The following RB1 variants were observed in gnomAD, a reference collection of about 807,000 sequenced individuals.
The protein encoded by RB1 is retinoblastoma-associated protein.
RB1 carries 18 observed loss-of-function variants against 135.4 expected under a neutral mutation model. The ratio of observed to expected loss-of-function variants is 0.13; its 90% CI spans 0.09 to 0.20. RB1 has a LOEUF of 0.20. RB1 is among the 10% of genes least tolerant of loss of function. RB1 has a pLI of 1.00. For missense variants in RB1, 868 were observed against 1,110.0 expected (o/e 0.78, Z 3.10); for synonymous variants, 365 against 373.2 (o/e 0.98, Z 0.25).
Position 48,476,596 on chromosome 13 carries a change from T to C in RB1, c.2521-105T>C. On this transcript the variant is annotated intron_variant, in intron 24 of 26. Coordinates refer to ENST00000267163, the MANE Select transcript of RB1 (RefSeq NM_000321.3). ...GAAGCAGAAAATTTAAATGAAGTTA[T>C]TACCTTTGCCTGATTTTTGACACAC... The C allele has an allele frequency of 2.0e-5, 24 of 1,192,540 alleles. No individual in the cohort carries two copies. The South Asian group carries it at 2.8e-4, about 14-fold the overall frequency. The allele number at this position is 1,192,540 out of a possible 1,614,324, so 73.9% of individuals were successfully genotyped here. A position where few individuals can be genotyped will look rare whatever the true frequency, so the allele number is the denominator to read the frequency against.
intron 17 of RB1, among the ~76,000 whole-genome samples, chr13:48,449,070 G>A (rs948884467): frequency 6.6e-6 from 1 of 152,090 alleles, no homozygotes; most frequent in Non-Finnish European, 1.5e-5. Flanking sequence ...GCTTAGGCAT[G>A]AGTAACTTCC....
chr13:48,415,652 G>A (rs1593490365), intron 17 of RB1: 2 of 152,146 alleles, frequency 1.3e-5, no homozygotes, highest in South Asian at 4.1e-4. Context: ...GTTGAATTAG[G>A]CTTTTCATTA....
intron 17 of RB1, among the ~76,000 whole-genome samples, chr13:48,440,004 A>T (rs952621582): frequency 3.9e-5 from 6 of 152,192 alleles, no homozygotes; most frequent in Non-Finnish European, 8.8e-5. Context: ...TTTTATATGT[A>T]TATGAGAGAA....
intron 17 of RB1, among the ~76,000 whole-genome samples, chr13:48,405,540 T>C (rs960854793): frequency 1.3e-5 from 2 of 152,216 alleles, no homozygotes; most frequent in African/African-American, 2.4e-5. Context: ...AATTTTGTTT[T>C]AACACAGCCG....
chr13:48,318,816 C>T, intron 2 of RB1: 1 of 942,910 alleles, frequency 1.1e-6, no homozygotes. Flanking sequence ...AGCCTGCGAG[C>T]AGCTCTCACC....
intron 6 of RB1, among the ~76,000 whole-genome samples, chr13:48,351,693 A>G (rs1952549779): frequency 6.7e-6 from 1 of 149,076 alleles, no homozygotes; most frequent in Non-Finnish European, 1.5e-5. Flanking sequence ...TTTTTTTTTG[A>G]GACAGAGTCT....
At position 48,303,946 on chromosome 13, in the gene RB1, A is replaced by T. The variant is rs1566174063; in HGVS notation, c.34A>T (p.Thr12Ser). Residue 12 changes from threonine (T) to serine (S), a missense_variant, in exon 1 of 27, where the codon ACC (threonine) becomes TCC (serine). By Grantham distance (58) the Thr-to-Ser change is moderately conservative. This residue lies in a region of RB1 where 641 missense variants were observed against 791.3 expected (regional missense o/e 0.81). Transcript: ENST00000267163. The stretch of plus-strand genomic sequence containing the variant: ...CAAAACCCCCCGAAAAACGGCCGCC[A>T]CCGCCGCCGCTGCCGCCGCGGAACC... ...PPKTPRKTAA[T>S]AAAAAAEPPA... 20 of 1,508,982 alleles carry T rather than the reference A, an allele frequency of 1.3e-5. No homozygotes were observed. Among genetic ancestry groups the T allele is most frequent in the Non-Finnish European group, 1.6e-5 (18 of 1,136,288 alleles). 93.5% of individuals were successfully genotyped at this position (1,508,982 alleles called of 1,614,324 possible). A position where few individuals can be genotyped will look rare whatever the true frequency, so the allele number is the denominator to read the frequency against.
At chr13:48,424,134 A>C (rs1005910128) in intron 17 of RB1, 1 of 152,622 alleles carries the variant, frequency 6.6e-6, no homozygotes, top group African/African-American at 2.4e-5. Flanking sequence ...TTAGGTATAG[A>C]AACAAATAAA....
At chr13:48,421,486 G>A (rs960636587) in intron 17 of RB1, among the ~76,000 whole-genome samples, 4 of 152,136 alleles carry the variant, frequency 2.6e-5, no homozygotes, top group African/African-American at 9.7e-5. Flanking sequence ...AACACCAAAA[G>A]CAATGGTAAC....
intron 13 of RB1, 36 bp downstream of exon 13, chr13:48,377,070 A>G: frequency 5.7e-6 from 9 of 1,580,314 alleles, no homozygotes; most frequent in Non-Finnish European, 7.8e-6. Flanking sequence ...GGTACTATAG[A>G]GTAATAATAT....
rs1446210103 is a variant in RB1, at chr13:48,360,020, A to T, written c.611A>T (p.Glu204Val). 1.2e-6 allele frequency: 2 copies of T among 1,611,148 alleles called. No homozygotes were observed. Among genetic ancestry groups the T allele is most frequent in the South Asian group, 2.2e-5 (2 of 90,946 alleles). ...AAAATGTACATTTTTTTTTCAGGGG[A>T]AGTATTACAAATGGAAGATGATCTG... ...SWITFLLAKG[E>V]VLQMEDDLVI... Residue 204 changes from glutamate (E) to valine (V), a missense_variant, in exon 7 of 27, where the codon GAA becomes GTA. This residue lies in a region of RB1 where 641 missense variants were observed against 791.3 expected (regional missense o/e 0.81). Transcript: ENST00000267163.
At chr13:48,387,952 G>T (rs1178860838) in intron 17 of RB1, among the ~76,000 whole-genome samples, 1 of 152,074 alleles carries the variant, frequency 6.6e-6, no homozygotes, top group Non-Finnish European at 1.5e-5. Context: ...GCCTGTCCCT[G>T]AGTCTTGAAA....
chr13:48,449,796 G>A (rs1462908664), intron 17 of RB1, among the ~76,000 whole-genome samples: 1 of 152,136 alleles, frequency 6.6e-6, no homozygotes, highest in Non-Finnish European at 1.5e-5. Flanking sequence ...TTTTAGTGGG[G>A]TTTTATGAGA....
chr13:48,330,227 T>C (rs975589415), intron 2 of RB1, among the ~76,000 whole-genome samples: 11 of 151,948 alleles, frequency 7.2e-5, no homozygotes, highest in African/African-American at 2.7e-4. Context: ...AAGGAAACAG[T>C]AGGACCCCAG....
chr13:48,348,842 A>G (rs1952521127), intron 5 of RB1, 114 bp from the exon 6 acceptor site: 1 of 1,273,014 alleles, frequency 7.9e-7, no homozygotes. Flanking sequence ...GCATTTAACT[A>G]AGGTCATTTT....
intron 17 of RB1, among the ~76,000 whole-genome samples, chr13:48,432,941 G>A (rs1949145248): frequency 6.6e-6 from 1 of 152,008 alleles, no homozygotes; most frequent in South Asian, 2.1e-4. Flanking sequence ...TTGCTATTAT[G>A]CTTATATAGT....
At chr13:48,436,754 A>C (rs1365496300) in intron 17 of RB1, among the ~76,000 whole-genome samples, 2 of 152,236 alleles carry the variant, frequency 1.3e-5, no homozygotes, top group Non-Finnish European at 2.9e-5. Flanking sequence ...ATCTTCAGAA[A>C]GGCCAAGGTC....
In RB1 at chr13:48,381,192, A is replaced by T. The variant is rs935825647; in HGVS notation, c.1499-55A>T. The T allele has an allele frequency of 2.8e-5, 42 of 1,523,840 alleles. No individual in the cohort carries two copies. In the Middle Eastern group the frequency reaches 9.5e-4, roughly 35 times the overall value. The allele number at this position is 1,523,840 out of a possible 1,614,324, so 94.4% of individuals were successfully genotyped here. A position where few individuals can be genotyped will look rare whatever the true frequency, so the allele number is the denominator to read the frequency against. ...GTCTGATAATAACTTCCAAAAAAAT[A>T]CCTAGCTCAAGGGTTAATATTTCAT... On this transcript the variant is annotated intron_variant, in intron 16 of 26. Coordinates refer to ENST00000267163, the MANE Select transcript of RB1 (RefSeq NM_000321.3).
rs575315934 is a variant in RB1 at position 48,387,090 on chromosome 13, A to G, written c.1695+5647A>G. On this transcript the variant is annotated intron_variant, in intron 17 of 26. Coordinates refer to ENST00000267163, the MANE Select transcript of RB1 (RefSeq NM_000321.3). Reference sequence around the variant, plus strand: ...ACTCCTCCTCTTTCCATATGAGGCCAGATTTTTCTTTGTATACTTCAACCT... The same window carrying G: ...ACTCCTCCTCTTTCCATATGAGGCCGGATTTTTCTTTGTATACTTCAACCT... Among the ~76,000 whole-genome samples the G allele has an allele frequency of 2.6e-5, 4 of 152,330 alleles. No homozygotes were observed. In the South Asian group the frequency reaches 8.3e-4, roughly 32 times the overall value.
Sources: gnomAD v4.1 joint callset for allele counts (sites outside exome capture counted in the v4.1 genomes callset) on GRCh38, gnomAD v4.1.1 for gene constraint, gnomAD v4.1.1 regional missense constraint, MANE v1.5 for transcripts, NCBI Gene and HGNC (gene_info 2026-07-23, HGNC 2026-07-21) for gene names.